The following DHRSX variants were observed in gnomAD, a reference collection of about 807,000 sequenced individuals.
The protein encoded by DHRSX is polyprenol dehydrogenase.
A neutral mutation model predicts 34.0 loss-of-function variants in DHRSX; 31 were observed. That is an observed-to-expected ratio of 0.91 (90% CI 0.69 to 1.23). DHRSX has a LOEUF of 1.23. Among genes scored for constraint, DHRSX ranks in the 50% most tolerant of loss-of-function variants. DHRSX has a pLI of 0.00. For missense variants in DHRSX, 414 were observed against 428.1 expected (o/e 0.97, Z 0.29); for synonymous variants, 201 against 183.8 (o/e 1.09, Z -0.76).
chrX:2,500,663 C>CACCCCCGG (rs2045402581), intron 1 of DHRSX, 154 bp downstream of exon 1: 1 of 125,624 alleles, frequency 8.0e-6, no homozygotes, highest in African/African-American at 2.7e-5. Flanking sequence ...CGCCCCCCCC[C>CACCCCCGG]CACCCCCGGC....
chrX:2,322,442 G>T (rs192510869), intron 3 of DHRSX, among the ~76,000 whole-genome samples: 1 of 151,578 alleles, frequency 6.6e-6, no homozygotes, highest in African/African-American at 2.4e-5. Flanking sequence ...CCAGCTACTC[G>T]GGAGGCTGAG....
intron 1 of DHRSX, among the ~76,000 whole-genome samples, chrX:2,437,619 AG>A (rs58581824): frequency 0.77 from 112,675 of 146,730 alleles, 43,682 homozygotes; most frequent in East Asian, 1. Flanking sequence ...AAAAAGAAGA[AG>A]AAAAAAAAGC....
intron 3 of DHRSX, among the ~76,000 whole-genome samples, chrX:2,323,017 A>G (rs1448309353): frequency 6.8e-6 from 1 of 146,836 alleles, no homozygotes; most frequent in Non-Finnish European, 1.5e-5. Flanking sequence ...TCCGCCTCCC[A>G]GGTTCAAGCG....
chrX:2,485,028 T>C (rs1221410528), intron 1 of DHRSX, among the ~76,000 whole-genome samples: 1 of 152,158 alleles, frequency 6.6e-6, no homozygotes, highest in African/African-American at 2.4e-5. Context: ...GGAAAACAGT[T>C]CGAAGCAGGC....
intron 3 of DHRSX, among the ~76,000 whole-genome samples, chrX:2,367,096 C>T (rs955095096): frequency 6.6e-6 from 1 of 152,042 alleles, no homozygotes; most frequent in Non-Finnish European, 1.5e-5. Flanking sequence ...CAAGAGGAAC[C>T]ACAATGGCTA....
At chrX:2,430,196 G>A (rs1390096350) in intron 1 of DHRSX, among the ~76,000 whole-genome samples, 2 of 144,758 alleles carry the variant, frequency 1.4e-5, no homozygotes, top group South Asian at 2.2e-4. Flanking sequence ...CCCTGAAAAC[G>A]CACAGTGAGC....
intron 3 of DHRSX, among the ~76,000 whole-genome samples, chrX:2,348,213 G>C (rs1167865440): frequency 6.6e-6 from 1 of 152,160 alleles, no homozygotes; most frequent in Non-Finnish European, 1.5e-5. Context: ...TGCAGGAAGA[G>C]GAGACCCCAG....
At chrX:2,446,120 G>C (rs2044130560) in intron 1 of DHRSX, among the ~76,000 whole-genome samples, 1 of 151,510 alleles carries the variant, frequency 6.6e-6, no homozygotes, top group South Asian at 2.1e-4. Context: ...CCGCACTGAA[G>C]ACGTTCCAGA....
chrX:2,353,267 C>T (rs2042809469), intron 3 of DHRSX, among the ~76,000 whole-genome samples: 1 of 152,034 alleles, frequency 6.6e-6, no homozygotes. Flanking sequence ...GCGTCCAACA[C>T]CATCTTCCTG....
chrX:2,276,496 T>A (rs369018966), intron 4 of DHRSX, among the ~76,000 whole-genome samples: 25 of 152,302 alleles, frequency 1.6e-4, no homozygotes, highest in Middle Eastern at 3.4e-3. Context: ...AGTAAAATTA[T>A]CGTCCATTGA....
chrX:2,233,506 C>T (rs771615240), intron 6 of DHRSX, among the ~76,000 whole-genome samples: 8 of 152,156 alleles, frequency 5.3e-5, no homozygotes, highest in East Asian at 3.9e-4. Context: ...TCCAGACGCC[C>T]GGCTGGGGGG....
chrX:2,262,780 G>T (rs1388474190), intron 5 of DHRSX, among the ~76,000 whole-genome samples: 1 of 152,130 alleles, frequency 6.6e-6, no homozygotes, highest in South Asian at 2.1e-4. Flanking sequence ...CAACCGGCAG[G>T]GTTCACACTT....
intron 3 of DHRSX, among the ~76,000 whole-genome samples, chrX:2,323,956 C>T (rs2042344160): frequency 6.6e-6 from 1 of 150,758 alleles, no homozygotes; most frequent in Non-Finnish European, 1.5e-5. Flanking sequence ...ACTTGGGAGG[C>T]TGAGATGTGA....
rs772982551 is a variant in DHRSX, at chrX:2,271,075, C to T, written c.389-4128G>A. 6.6e-5 allele frequency among the ~76,000 whole-genome samples: 10 copies of T among 152,320 alleles called. No individual in the cohort carries two copies. The South Asian group carries it at 2.1e-3, about 32-fold the overall frequency. ...ACGTTGTGGAAACTTTGTTGTTTCA[C>T]TCTTCACCATAAATCTTGCTGCTGC... On this transcript the variant is annotated intron_variant, in intron 4 of 6. Transcript: ENST00000334651.
intron 3 of DHRSX, among the ~76,000 whole-genome samples, chrX:2,363,998 G>A (rs1182006030): frequency 6.6e-6 from 1 of 151,804 alleles, no homozygotes; most frequent in Non-Finnish European, 1.5e-5. Flanking sequence ...AGATAAGGGA[G>A]GAGACCCCTG....
chrX:2,309,334 T>C (rs2042137038), intron 3 of DHRSX, among the ~76,000 whole-genome samples: 1 of 152,138 alleles, frequency 6.6e-6, no homozygotes, highest in Non-Finnish European at 1.5e-5. Context: ...ATAGAAATTC[T>C]GAAAAAAGCA....
chrX:2,252,724 G>A (rs2124442080), intron 5 of DHRSX, among the ~76,000 whole-genome samples: 1 of 152,324 alleles, frequency 6.6e-6, no homozygotes, highest in East Asian at 1.9e-4. Flanking sequence ...TACAGGAGGT[G>A]AAGAAATGAA....
At chrX:2,464,718 T>C (rs1367058584) in intron 1 of DHRSX, among the ~76,000 whole-genome samples, 1 of 151,408 alleles carries the variant, frequency 6.6e-6, no homozygotes, top group African/African-American at 2.4e-5. Context: ...AGACGTTCCC[T>C]AGGCATGTGG....
In DHRSX at chrX:2,414,308, C is replaced by T. The variant is rs190154459; in HGVS notation, c.218-5495G>A. On this transcript the variant is annotated intron_variant, in intron 2 of 6. Transcript: ENST00000334651. Reference sequence around the variant, plus strand: ...ACTTCATTATGACCTAATACAACTACATCTCATCAAGGCCAACAAAACTAG... The same window carrying T: ...ACTTCATTATGACCTAATACAACTATATCTCATCAAGGCCAACAAAACTAG... 4.0e-5 allele frequency among the ~76,000 whole-genome samples: 6 copies of T among 151,738 alleles called. No homozygotes were observed. In the East Asian group the frequency reaches 1.2e-3, roughly 30 times the overall value.
Sources: allele counts gnomAD v4.1 joint callset (sites outside exome capture counted in the v4.1 genomes callset), GRCh38; gene constraint gnomAD v4.1.1; transcripts MANE v1.5; gene names NCBI Gene and HGNC (gene_info 2026-07-23, HGNC 2026-07-21).